PRSS23: variants seen among roughly 807,000 people sequenced by gnomAD.
PRSS23 encodes the protein serine protease 23.
A neutral mutation model predicts 34.7 loss-of-function variants in PRSS23; 25 were observed. The observed-to-expected ratio is 0.72, with a 90% CI of 0.53 to 1.01. PRSS23 has a LOEUF of 1.01. Among genes scored for constraint, PRSS23 ranks in the 50% least tolerant of loss-of-function variants. The pLI, the probability that PRSS23 is intolerant of heterozygous loss-of-function variation, is 0.00. For synonymous variants in PRSS23, 176 were observed against 186.6 expected (o/e 0.94, Z 0.46); for missense variants, 445 against 475.6 (o/e 0.94, Z 0.60).
intron 2 of PRSS23, among the ~76,000 whole-genome samples, chr11:86,853,506 TG>T (rs1326594432): frequency 1.3e-5 from 2 of 152,042 alleles, no homozygotes; most frequent in Non-Finnish European, 2.9e-5. Context: ...CCTCCCACGT[TG>T]GCCTCCCAAA....
intron 2 of PRSS23, among the ~76,000 whole-genome samples, chr11:86,831,823 C>T (rs1391109079): frequency 6.6e-6 from 1 of 151,956 alleles, no homozygotes; most frequent in African/African-American, 2.4e-5. Context: ...GGTATACACC[C>T]TGTCATATTA....
chr11:86,928,052 T>C (rs1019077679), intron 2 of PRSS23, among the ~76,000 whole-genome samples: 6 of 151,622 alleles, frequency 4.0e-5, no homozygotes, highest in African/African-American at 1.5e-4. Flanking sequence ...AGTTTTTTCA[T>C]TTATTTAGCC....
At chr11:86,911,753 CGAAGT>C (rs1565384001) in intron 2 of PRSS23, 1 of 96,562 alleles carries the variant, frequency 1.0e-5, no homozygotes. Context: ...TGATTAGAAA[CGAAGT>C]GGAGTGTGTG....
At chr11:86,823,831 C>T (rs1484348248) in intron 2 of PRSS23, among the ~76,000 whole-genome samples, 2 of 151,546 alleles carry the variant, frequency 1.3e-5, no homozygotes, top group Admixed American at 6.6e-5. Context: ...ACGGTGAAAC[C>T]CCGTCTCTAC....
At chr11:86,851,309 C>A (rs1457422660) in intron 2 of PRSS23, among the ~76,000 whole-genome samples, 2 of 152,184 alleles carry the variant, frequency 1.3e-5, no homozygotes, top group African/African-American at 4.8e-5. Context: ...TAAGGAAAGC[C>A]AGGGGCAGGG....
intron 1 of PRSS23, among the ~76,000 whole-genome samples, chr11:86,801,956 G>C (rs1429360540): frequency 6.6e-6 from 1 of 152,196 alleles, no homozygotes; most frequent in African/African-American, 2.4e-5. Flanking sequence ...TTTCCAAGGT[G>C]CCTAATATGG....
At chr11:86,922,300 A>G (rs1302619648) in intron 2 of PRSS23, among the ~76,000 whole-genome samples, 3 of 152,192 alleles carry the variant, frequency 2.0e-5, no homozygotes, top group Non-Finnish European at 4.4e-5. Context: ...CAGATGGACA[A>G]TTACTTAACC....
At chr11:86,859,702 AC>A (rs1014573241) in intron 2 of PRSS23, among the ~76,000 whole-genome samples, 1 of 151,100 alleles carries the variant, frequency 6.6e-6, no homozygotes, top group African/African-American at 2.4e-5. Context: ...GAAAGTGTAC[AC>A]CCCCCCTTCA....
At chr11:86,872,787 G>A (rs892520243) in intron 2 of PRSS23, among the ~76,000 whole-genome samples, 1 of 152,074 alleles carries the variant, frequency 6.6e-6, no homozygotes, top group Non-Finnish European at 1.5e-5. Flanking sequence ...ACAGAGACCT[G>A]GTTTCAAAAC....
At chr11:86,859,018 G>A (rs1200089480) in intron 2 of PRSS23, among the ~76,000 whole-genome samples, 2 of 151,568 alleles carry the variant, frequency 1.3e-5, no homozygotes, top group African/African-American at 4.9e-5. Context: ...AATATCGCAG[G>A]GGTGTACACA....
At chr11:86,796,683 T>C (rs1565346320), upstream of PRSS23, among the ~76,000 whole-genome samples, 4 of 149,748 alleles carry the variant, frequency 2.7e-5, no homozygotes, top group Non-Finnish European at 5.9e-5. Context: ...TAATAAAATA[T>C]ACTCCACAGT....
At chr11:86,872,329 C>T (rs945351296) in intron 2 of PRSS23, among the ~76,000 whole-genome samples, 1 of 152,140 alleles carries the variant, frequency 6.6e-6, no homozygotes, top group Admixed American at 6.5e-5. Context: ...AATATAAATA[C>T]CACTTTTCTG....
Position 86,951,991 on chromosome 11 carries a change from G to C in PRSS23, c.*706G>C. The C allele has an allele frequency of 6.2e-7, 1 of 1,614,120 alleles. No individual in the cohort carries two copies. The highest frequency in any genetic ancestry group is 1.3e-5 in the African/African-American group (1 of 75,036). On this transcript the variant is annotated 3_prime_UTR_variant, in exon 3 of 3. Coordinates refer to the PRSS23 transcript ENST00000533902. ...TATTATAGCACATACTGAGAAATATGATGGGGCGCTCAGGGTAGGAAAACC... is the reference window on the plus strand; with the variant it reads ...TATTATAGCACATACTGAGAAATATCATGGGGCGCTCAGGGTAGGAAAACC...
chr11:86,902,592 G>T (rs944345794), intron 2 of PRSS23, among the ~76,000 whole-genome samples: 1 of 152,132 alleles, frequency 6.6e-6, no homozygotes, highest in African/African-American at 2.4e-5. Flanking sequence ...CATACATCTA[G>T]CTATCAAACT....
At chr11:86,877,235 C>CTT (rs35422449) in intron 2 of PRSS23, among the ~76,000 whole-genome samples, 1 of 30,248 alleles carries the variant, frequency 3.3e-5, no homozygotes, top group Non-Finnish European at 5.7e-5. Context: ...AGGGCAATGA[C>CTT]TGTTTTCTCT....
intron 2 of PRSS23, among the ~76,000 whole-genome samples, chr11:86,825,467 A>G (rs1183056806): frequency 6.6e-6 from 1 of 152,150 alleles, no homozygotes. Context: ...TTTGCTGTGC[A>G]GAAGCTCTTT....
At position 86,831,072 on chromosome 11, in the gene PRSS23, A is replaced by C. The variant is rs138261786; in HGVS notation, c.206+7479A>C. 7.2e-4 allele frequency among the ~76,000 whole-genome samples: 110 copies of C among 152,180 alleles called. No individual in the cohort carries two copies. The East Asian group carries it at 0.019, about 26-fold the overall frequency. On this transcript the variant is annotated intron_variant, in intron 2 of 2. Transcript: ENST00000533902. ...AATGTCAACGGGGTTTACAACTTGT[A>C]ATACTATTCGTAATATCCTAGGCGG...
chr11:86,939,393 T>TAA (rs778076028), intron 2 of PRSS23, among the ~76,000 whole-genome samples: 2,931 of 83,370 alleles, frequency 0.035, 83 homozygotes, highest in African/African-American at 0.067. Flanking sequence ...ATTTCTCAGT[T>TAA]AAAAAAAAAA....
intron 1 of PRSS23, among the ~76,000 whole-genome samples, chr11:86,817,618 A>C (rs1186830437): frequency 6.6e-6 from 1 of 152,144 alleles, no homozygotes; most frequent in African/African-American, 2.4e-5. Context: ...TGGCCAGTTG[A>C]CTTTTTATAG....
Sources: allele counts gnomAD v4.1 joint callset (sites outside exome capture counted in the v4.1 genomes callset), GRCh38; gene constraint gnomAD v4.1.1; transcripts MANE v1.5; gene names NCBI Gene and HGNC (gene_info 2026-07-23, HGNC 2026-07-21).